The following VWDE variants were observed in gnomAD, a reference collection of about 807,000 sequenced individuals.
The protein encoded by VWDE is von Willebrand factor D and EGF domains.
Under a neutral mutation model 178.4 loss-of-function variants are expected in VWDE, and 207 were observed. That is an observed-to-expected ratio of 1.16 (90% CI 1.04 to 1.30). VWDE has a LOEUF of 1.30. Ranked by LOEUF, VWDE falls within the 50% of genes most tolerant of loss-of-function variation. The pLI is 0.00. For missense variants in VWDE, 2,287 were observed against 1,901.3 expected (o/e 1.20, Z -3.77); for synonymous variants, 738 against 651.4 (o/e 1.13, Z -2.02).
chr7:12,369,429 T>A, intron 12 of VWDE, 116 bp downstream of exon 12: 1 of 1,297,526 alleles, frequency 7.7e-7, no homozygotes, highest in Non-Finnish European at 1.0e-6. Flanking sequence ...ATTTGGAGGT[T>A]TTCTCTATAA....
chr7:12,380,299 A>G, intron 5 of VWDE, among the ~76,000 whole-genome samples, 187 bp downstream of exon 5: 1 of 151,542 alleles, frequency 6.6e-6, no homozygotes, highest in East Asian at 1.9e-4. Context: ...ATATATAGTC[A>G]CTAAGATCAC....
Position 12,379,478 on chromosome 7 carries a change from T to C in VWDE, c.878A>G (p.Lys293Arg). 6.5e-7 allele frequency: 1 copy of C among 1,548,230 alleles called. No homozygotes were observed. Among genetic ancestry groups the C allele is most frequent in the Non-Finnish European group, 8.7e-7 (1 of 1,144,902 alleles). The part of the protein sequence containing the change: ...IESQEFFAGF[K>R]LQPELSTISE... The stretch of plus-strand genomic sequence containing the variant: ...TGATGCATCCCCACTGCTGCGTACC[T>C]TAAAGCCTGCAAAAAATTCTTGGCT... Residue 293 changes from lysine to arginine, a missense_variant and splice_region_variant, in exon 6 of 29, where the codon AAG (lysine) becomes AGG (arginine). Transcript: ENST00000275358.
intron 19 of VWDE, among the ~76,000 whole-genome samples, chr7:12,348,119 CCCTAGAAG>C (rs1781714301): frequency 6.6e-6 from 1 of 151,704 alleles, no homozygotes; most frequent in South Asian, 2.1e-4. Flanking sequence ...ACCATAAAAA[CCCTAGAAG>C]AAAACCTAGG....
At chr7:12,354,849 C>G (rs1307433657) in intron 18 of VWDE, among the ~76,000 whole-genome samples, 1 of 152,086 alleles carries the variant, frequency 6.6e-6, no homozygotes, top group Non-Finnish European at 1.5e-5. Context: ...GGATGGTTGT[C>G]TGTTTAGCTT....
Position 12,351,564 on chromosome 7 carries a change from ATTAC to A in VWDE, c.3886+5_3886+8del. 6.5e-7 allele frequency: 1 copy of A among 1,544,048 alleles called. No homozygotes were observed. The highest frequency in any genetic ancestry group is 8.7e-7 in the Non-Finnish European group (1 of 1,144,368). On this transcript the variant is annotated splice_donor_5th_base_variant and intron_variant, in intron 19 of 28. Transcript: ENST00000275358. ...TTGTCATTAGATTTTAACTATGACC[ATTAC>A]TTACTGAAGGCATTTCCACTTGTTG...
Position 12,358,139 on chromosome 7 carries a change from A to G in VWDE, c.3275-624T>C, listed in dbSNP as rs942666754. ...CACCTGTAATCCCAGTACTTTGGGA[A>G]GCCAAGGCAGGAGGATCACTTGAGG... On this transcript the variant is annotated intron_variant, in intron 16 of 28. Transcript: ENST00000275358. Among the ~76,000 whole-genome samples the G allele has an allele frequency of 9.9e-5, 15 of 152,060 alleles. 1 individual carries two copies. Among genetic ancestry groups the G allele is most frequent in the African/African-American group, 3.6e-4 (15 of 41,412 alleles).
At chr7:12,367,609 C>T (rs1005950882) in intron 12 of VWDE, 116 bp from the exon 13 acceptor site, 2 of 865,896 alleles carry the variant, frequency 2.3e-6, no homozygotes, top group African/African-American at 3.5e-5. Flanking sequence ...TAAAGTATAC[C>T]TAAAATGCTG....
At position 12,373,022 on chromosome 7, in the gene VWDE, G is replaced by A. The variant is rs1174586557; in HGVS notation, c.1542C>T (p.Thr514=). ...AAGATTCACTTATCTTGATATTCCTGGTTACATCTTGGCTTTTTATGAACA... is the reference window on the plus strand; with the variant it reads ...AAGATTCACTTATCTTGATATTCCTAGTTACATCTTGGCTTTTTATGAACA... ...PYLFIKSQDV[T]RNIKISESYL... is the part of the protein sequence containing the mutation. Residue 514 remains threonine, a synonymous_variant, in exon 10 of 29, where the codon ACC becomes ACT. Coordinates refer to ENST00000275358, the MANE Select transcript of VWDE (RefSeq NM_001135924.3). 5.8e-6 allele frequency: 9 copies of A among 1,551,090 alleles called. No individual in the cohort carries two copies. The highest frequency in any genetic ancestry group is 2.0e-5 in the Admixed American group (1 of 50,956).
intron 9 of VWDE, among the ~76,000 whole-genome samples, chr7:12,374,232 G>A (rs1783384055): frequency 1.3e-5 from 2 of 151,964 alleles, no homozygotes; most frequent in Non-Finnish European, 2.9e-5. Context: ...AAATATCCAG[G>A]TATCCATAAT....
At chr7:12,373,928 C>G (rs755464821) in intron 9 of VWDE, among the ~76,000 whole-genome samples, 2 of 152,120 alleles carry the variant, frequency 1.3e-5, no homozygotes, top group African/African-American at 2.4e-5. Flanking sequence ...GTTCTTAACA[C>G]CTGTTGACAC....
At chr7:12,371,617 G>A (rs1783203813) in intron 10 of VWDE, among the ~76,000 whole-genome samples, 1 of 151,896 alleles carries the variant, frequency 6.6e-6, no homozygotes, top group Admixed American at 6.6e-5. Flanking sequence ...TTACAAAAAT[G>A]GTCTGTGTTA....
chr7:12,366,773 TTAAAA>T (rs1782881261), intron 13 of VWDE, among the ~76,000 whole-genome samples: 1 of 152,100 alleles, frequency 6.6e-6, no homozygotes, highest in Non-Finnish European at 1.5e-5. Context: ...AGAGTCATCC[TTAAAA>T]TAAAATTTCC....
At chr7:12,397,816 A>G (rs1784698856) in intron 1 of VWDE, among the ~76,000 whole-genome samples, 1 of 152,302 alleles carries the variant, frequency 6.6e-6, no homozygotes, top group South Asian at 2.1e-4. Context: ...AAAATGCTCA[A>G]CATCACTAAT....
At chr7:12,348,669 G>A (rs1052228770) in intron 19 of VWDE, among the ~76,000 whole-genome samples, 42 of 147,694 alleles carry the variant, frequency 2.8e-4, no homozygotes, top group Middle Eastern at 7.0e-3. Flanking sequence ...TCAGTGTGGC[G>A]ATTCCTCAGG....
intron 19 of VWDE, among the ~76,000 whole-genome samples, chr7:12,349,244 A>C (rs10246337): frequency 1.6e-3 from 64 of 39,174 alleles, no homozygotes; most frequent in East Asian, 0.01. Flanking sequence ...ATAATAAATA[A>C]ATAAATAAAT....
intron 19 of VWDE, among the ~76,000 whole-genome samples, chr7:12,350,988 T>C (rs1208336984): frequency 6.6e-6 from 1 of 152,080 alleles, no homozygotes; most frequent in Non-Finnish European, 1.5e-5. Context: ...TACATCAGAG[T>C]ATTCAGTAAG....
rs1780699555 is a variant in VWDE, at chr7:12,331,169, A to G, written c.*14T>C. The G allele has an allele frequency of 6.5e-7, 1 of 1,539,208 alleles. No individual in the cohort carries two copies. The highest frequency in any genetic ancestry group is 8.8e-7 in the Non-Finnish European group (1 of 1,139,054). On this transcript the variant is annotated 3_prime_UTR_variant, in exon 29 of 29. Coordinates refer to ENST00000275358, the MANE Select transcript of VWDE (RefSeq NM_001135924.3). The stretch of plus-strand genomic sequence containing the variant: ...CTTAAGATACAGGCTTGTAATTCAT[A>G]TACTTGATGCTACTCAATGGCGTCT...
Position 12,369,658 on chromosome 7 carries a change from T to A in VWDE, c.2648A>T (p.Asp883Val). ...NTEEYGTSIE[D>V]ILSVLKCPNL... Reference sequence around the variant, plus strand: ...GGGGCATTTTAATACTGAGAGAATGTCTTCAATTGATGTGCCATACTCTTC... The same window carrying A: ...GGGGCATTTTAATACTGAGAGAATGACTTCAATTGATGTGCCATACTCTTC... Residue 883 changes from aspartate to valine, a missense_variant, in exon 12 of 29, where the codon GAC becomes GTC. Physicochemically the swap from Asp to Val is radical, Grantham distance 152. Coordinates refer to ENST00000275358, the MANE Select transcript of VWDE (RefSeq NM_001135924.3). 1 of 1,551,730 alleles carries A rather than the reference T, an allele frequency of 6.4e-7. No individual in the cohort carries two copies. Among genetic ancestry groups the A allele is most frequent in the Non-Finnish European group, 8.7e-7 (1 of 1,146,918 alleles).
chr7:12,338,646 G>C (rs915161954), intron 24 of VWDE, among the ~76,000 whole-genome samples: 2 of 151,974 alleles, frequency 1.3e-5, no homozygotes, highest in Non-Finnish European at 2.9e-5. Flanking sequence ...TTAGGAAAAC[G>C]AGGTTTATGA....
Sources: allele counts gnomAD v4.1 joint callset (sites outside exome capture counted in the v4.1 genomes callset), GRCh38; gene constraint gnomAD v4.1.1; transcripts MANE v1.5; gene names NCBI Gene and HGNC (gene_info 2026-07-23, HGNC 2026-07-21).